Variants in SUSD5 observed in about 807,000 individuals in gnomAD.
SUSD5 encodes sushi domain containing 5.
SUSD5 carries 33 observed loss-of-function variants against 29.5 expected under a neutral mutation model. The observed-to-expected ratio is 1.12, with a 90% CI of 0.85 to 1.49. SUSD5 has a LOEUF of 1.49. Ranked by LOEUF, SUSD5 falls within the 40% of genes most tolerant of loss-of-function variation. The pLI, the probability that SUSD5 is intolerant of heterozygous loss-of-function variation, is 0.00. For synonymous variants in SUSD5, 308 were observed against 325.3 expected (o/e 0.95, Z 0.57); for missense variants, 776 against 800.6 (o/e 0.97, Z 0.37).
intron 3 of SUSD5, among the ~76,000 whole-genome samples, chr3:33,193,539 G>C (rs374282916): frequency 1.3e-5 from 2 of 152,144 alleles, no homozygotes; most frequent in African/African-American, 4.8e-5. Flanking sequence ...AATGCCCATA[G>C]GTAGCTGCAT....
intron 3 of SUSD5, among the ~76,000 whole-genome samples, chr3:33,205,824 A>ATTC (rs2032207609): frequency 1.3e-5 from 2 of 152,256 alleles, no homozygotes; most frequent in Admixed American, 1.3e-4. Flanking sequence ...AGTCTGGCAG[A>ATTC]AAAGCAACCA....
intron 1 of SUSD5, among the ~76,000 whole-genome samples, chr3:33,215,977 G>A (rs982523236): frequency 2.0e-5 from 3 of 152,154 alleles, no homozygotes; most frequent in African/African-American, 7.2e-5. Flanking sequence ...AACGTAGAAG[G>A]AGGAAATAAT....
intron 3 of SUSD5, among the ~76,000 whole-genome samples, chr3:33,190,081 C>A (rs2031861233): frequency 6.6e-6 from 1 of 152,188 alleles, no homozygotes; most frequent in Non-Finnish European, 1.5e-5. Flanking sequence ...ACAAGCCAGT[C>A]AGTCTTAGTT....
At chr3:33,184,760 C>T (rs1460907554) in intron 3 of SUSD5, among the ~76,000 whole-genome samples, 1 of 152,122 alleles carries the variant, frequency 6.6e-6, no homozygotes, top group African/African-American at 2.4e-5. Flanking sequence ...TTTTTGATTC[C>T]TTAGAATTGC....
In SUSD5 at chr3:33,151,310, A is replaced by G. The variant is rs927376984; in HGVS notation, c.*1432T>C. 1 of 152,184 alleles carries G rather than the reference A, an allele frequency of 6.6e-6. No homozygotes were observed. Among genetic ancestry groups the G allele is most frequent in the East Asian group, 1.9e-4 (1 of 5,200 alleles). The allele number at this position is 152,184 out of a possible 1,614,324, so 9.4% of individuals were successfully genotyped here. On this transcript the variant is annotated 3_prime_UTR_variant, in exon 5 of 5. Transcript: ENST00000309558. ...CGCTGATGCTACTGGTCTGAGGACC[A>G]CACTTTGAGAACCACTGCCATAAAC... is the stretch of plus-strand genomic sequence containing the variant.
rs975202298 is a variant in SUSD5, at chr3:33,175,737, G to T, written c.410-663C>A. ...CAAAGTTGAGCAGAAAGTACAGAGA[G>T]TTCCCCTATACCCCCGACCCTTCCA... On this transcript the variant is annotated intron_variant, in intron 3 of 4. Transcript: ENST00000309558. Among the ~76,000 whole-genome samples the T allele has an allele frequency of 3.3e-5, 5 of 152,158 alleles. No individual in the cohort carries two copies. The East Asian group carries it at 9.6e-4, about 29-fold the overall frequency.
intron 3 of SUSD5, among the ~76,000 whole-genome samples, chr3:33,201,840 C>T (rs1480651491): frequency 6.6e-6 from 1 of 152,170 alleles, no homozygotes; most frequent in Non-Finnish European, 1.5e-5. Flanking sequence ...GCCCTTGCTA[C>T]CCCTGTTCTT....
chr3:33,152,580 C>T lies in SUSD5; in HGVS notation c.*162G>A. On this transcript the variant is annotated 3_prime_UTR_variant, in exon 5 of 5. Transcript: ENST00000309558. ...ATGATGTCACCAAAGCCTCCCTGCC[C>T]TCCCAGGTGCTCCAGAGACACTTCT... is the stretch of plus-strand genomic sequence containing the variant. The T allele has an allele frequency of 1.4e-6, 1 of 740,148 alleles. No homozygotes were observed. The highest frequency in any genetic ancestry group is 2.2e-6 in the Non-Finnish European group (1 of 461,994). The allele number at this position is 740,148 out of a possible 1,614,324, so 45.8% of individuals were successfully genotyped here.
intron 3 of SUSD5, among the ~76,000 whole-genome samples, chr3:33,193,631 T>C (rs1281292081): frequency 1.3e-5 from 2 of 152,160 alleles, no homozygotes; most frequent in South Asian, 2.1e-4. Flanking sequence ...AGATGAAAAC[T>C]GAAGCCTTTG....
At position 33,192,572 on chromosome 3, in the gene SUSD5, C is replaced by T. The variant is rs534802782; in HGVS notation, c.409+15236G>A. On this transcript the variant is annotated intron_variant, in intron 3 of 4. Coordinates refer to ENST00000309558, the MANE Select transcript of SUSD5 (RefSeq NM_015551.2). The stretch of plus-strand genomic sequence containing the variant: ...CCTGTAATCCCAGCACTTTAGGAGG[C>T]CAAGGCAGGTGGATCACCTGAGGTC... Among the ~76,000 whole-genome samples the T allele has an allele frequency of 9.9e-5, 15 of 151,760 alleles. No individual in the cohort carries two copies. In the East Asian group the frequency reaches 2.5e-3, roughly 26 times the overall value.
intron 4 of SUSD5, among the ~76,000 whole-genome samples, chr3:33,163,874 C>T (rs1461606803): frequency 6.6e-6 from 1 of 152,194 alleles, no homozygotes; most frequent in Non-Finnish European, 1.5e-5. Flanking sequence ...GTGGCAGGCA[C>T]CTGTAGTCCC....
intron 3 of SUSD5, among the ~76,000 whole-genome samples, chr3:33,180,261 G>A (rs2031640062): frequency 6.6e-6 from 1 of 152,184 alleles, no homozygotes; most frequent in Non-Finnish European, 1.5e-5. Context: ...GGGACAAGAC[G>A]TGAAGGTGTC....
chr3:33,173,665 A>G (rs569391885), intron 4 of SUSD5, among the ~76,000 whole-genome samples: 5 of 152,360 alleles, frequency 3.3e-5, no homozygotes, highest in East Asian at 1.9e-4. Context: ...AAACTGTCCT[A>G]TAAGTTCAGT....
chr3:33,207,738 G>A, intron 3 of SUSD5, 70 bp downstream of exon 3: 1 of 1,053,830 alleles, frequency 9.5e-7, no homozygotes, highest in Non-Finnish European at 1.4e-6. Flanking sequence ...TTCTTCTAGA[G>A]AAACCAACCT....
intron 4 of SUSD5, among the ~76,000 whole-genome samples, chr3:33,161,672 TAAAA>T (rs998089746): frequency 6.6e-6 from 1 of 151,774 alleles, no homozygotes; most frequent in Non-Finnish European, 1.5e-5. Context: ...GTAAAAGAAT[TAAAA>T]AAAGTCACGA....
At chr3:33,190,901 C>G (rs2031877737) in intron 3 of SUSD5, among the ~76,000 whole-genome samples, 1 of 152,126 alleles carries the variant, frequency 6.6e-6, no homozygotes, top group African/African-American at 2.4e-5. Context: ...TCTCCAAAAT[C>G]ATTTAATCTC....
intron 3 of SUSD5, among the ~76,000 whole-genome samples, chr3:33,188,861 T>A (rs2031830089): frequency 6.6e-6 from 1 of 152,188 alleles, no homozygotes; most frequent in Admixed American, 6.5e-5. Context: ...CTGTGCATTT[T>A]GCTGATGTAA....
At chr3:33,216,649 A>G (rs2032432663) in intron 1 of SUSD5, among the ~76,000 whole-genome samples, 1 of 152,176 alleles carries the variant, frequency 6.6e-6, no homozygotes, top group Non-Finnish European at 1.5e-5. Context: ...CATGATTTCA[A>G]AGACCATCCT....
intron 4 of SUSD5, among the ~76,000 whole-genome samples, chr3:33,165,806 T>G (rs2031291059): frequency 6.6e-6 from 1 of 152,182 alleles, no homozygotes. Context: ...ATATCAACAG[T>G]AGGCATTCAT....
Sources: allele counts gnomAD v4.1 joint callset (sites outside exome capture counted in the v4.1 genomes callset), GRCh38; gene constraint gnomAD v4.1.1; transcripts MANE v1.5; gene names NCBI Gene and HGNC (gene_info 2026-07-23, HGNC 2026-07-21).